The following GAD2 variants were observed in gnomAD, a reference collection of about 807,000 sequenced individuals.
GAD2 encodes the protein 65 kDa glutamic acid decarboxylase.
GAD2 carries 22 observed loss-of-function variants against 80.1 expected under a neutral mutation model. The ratio of observed to expected loss-of-function variants is 0.27; its 90% confidence interval spans 0.20 to 0.39. The LOEUF (loss-of-function observed/expected upper bound fraction) is 0.39. Among genes scored for constraint, GAD2 ranks in the 10% least tolerant of loss-of-function variants. The pLI is 1.00. For missense variants in GAD2, 624 were observed against 738.4 expected, an observed-to-expected ratio of 0.85 and a Z score of 1.80; for synonymous variants, 274 against 256.9, an observed-to-expected ratio of 1.07 and a Z score of -0.64.
rs760213552 is a variant in GAD2 at position 26,217,869 on chromosome 10, C to T, written c.164C>T (p.Pro55Leu). The change falls in exon 3 of 16, where the codon CCG becomes CTG. Residue 55 changes from proline (P) to leucine (L), a missense_variant. Transcript: ENST00000376261. This position sits in a 1 kb window ranked among gnomAD's most constrained non-coding sequence, Gnocchi z 4.9. ...CTGCTCTACGGAGACGCCGAGAAGC[C>T]GGCGGAGAGCGGCGGGAGCCAACCC... is the stretch of plus-strand genomic sequence containing the variant. ...CALLYGDAEK[P>L]AESGGSQPPR... 1 of 1,605,944 alleles carries T rather than the reference C, an allele frequency of 6.2e-7. No individual in the cohort carries two copies. The highest frequency in any genetic ancestry group is 1.7e-5 in the Admixed American group (1 of 59,176).
At chr10:26,238,177 G>A (rs1399431633) in intron 7 of GAD2, among the ~76,000 whole-genome samples, 1 of 152,080 alleles carries the variant, frequency 6.6e-6, no homozygotes, top group East Asian at 1.9e-4. Context: ...TACCCTTTTT[G>A]GGGATAGCCC....
intron 8 of GAD2, among the ~76,000 whole-genome samples, chr10:26,256,866 T>G (rs1237878759): frequency 6.6e-6 from 1 of 152,222 alleles, no homozygotes; most frequent in Non-Finnish European, 1.5e-5. Context: ...AAATACCCCG[T>G]TGCTTCTGAA....
chr10:26,290,137 A>G (rs1834197244), intron 13 of GAD2, among the ~76,000 whole-genome samples: 1 of 152,222 alleles, frequency 6.6e-6, no homozygotes, highest in Non-Finnish European at 1.5e-5. Flanking sequence ...CCTTTGCTGA[A>G]AATGAATGTT....
In GAD2 at chr10:26,219,083, GTTTCTGCAAGATGTTATGAACA is replaced by G; in HGVS notation, c.331_352del (p.Leu111TyrfsTer6). Reference sequence around the variant, plus strand: ...GTGATGGAGAAAGGCCCACTTTGGCGTTTCTGCAAGATGTTATGAACATTTTACTTCAGTATGTGGTGAAAAG... The same window carrying G: ...GTGATGGAGAAAGGCCCACTTTGGCGTTTTACTTCAGTATGTGGTGAAAAG... On this transcript the variant is annotated frameshift_variant, in exon 4 of 16. Coordinates refer to ENST00000376261, the MANE Select transcript of GAD2 (RefSeq NM_001134366.2). LOFTEE classifies it high-confidence loss of function. 6.3e-7 allele frequency: 1 copy of G among 1,599,178 alleles called. No individual in the cohort carries two copies. Among genetic ancestry groups the G allele is most frequent in the Non-Finnish European group, 8.5e-7 (1 of 1,172,582 alleles).
chr10:26,240,203 A>G (rs1399642700), intron 7 of GAD2, among the ~76,000 whole-genome samples: 1 of 152,200 alleles, frequency 6.6e-6, no homozygotes, highest in Non-Finnish European at 1.5e-5. Flanking sequence ...GATTAGATTT[A>G]CTGTCCCCAT....
intron 13 of GAD2, among the ~76,000 whole-genome samples, chr10:26,288,775 G>C (rs1445102576): frequency 6.6e-6 from 1 of 152,052 alleles, no homozygotes; most frequent in African/African-American, 2.4e-5. Flanking sequence ...ATAGGAAAAC[G>C]TTTCTCTCAT....
intron 15 of GAD2, 24 bp from the exon 16 acceptor site, chr10:26,300,764 A>G (rs1284688842): frequency 6.2e-7 from 1 of 1,607,208 alleles, no homozygotes; most frequent in Admixed American, 1.7e-5. Context: ...GAAAGTCACC[A>G]TGCTGATATG....
At chr10:26,300,235 A>C (rs1360801403) in intron 15 of GAD2, among the ~76,000 whole-genome samples, 1 of 152,170 alleles carries the variant, frequency 6.6e-6, no homozygotes, top group Admixed American at 6.6e-5. Flanking sequence ...TTTTTGTCCC[A>C]GCTAATTATC....
At chr10:26,282,251 A>G (rs1293029667) in intron 12 of GAD2, among the ~76,000 whole-genome samples, 1 of 152,132 alleles carries the variant, frequency 6.6e-6, no homozygotes, top group Non-Finnish European at 1.5e-5. Context: ...CCAAATATCT[A>G]TCTTCATTTA....
At chr10:26,271,905 G>A (rs570744067) in intron 10 of GAD2, among the ~76,000 whole-genome samples, 2 of 152,000 alleles carry the variant, frequency 1.3e-5, no homozygotes, top group Non-Finnish European at 2.9e-5. Flanking sequence ...GATTACAGAC[G>A]TGCGCACCCA....
intron 8 of GAD2, among the ~76,000 whole-genome samples, chr10:26,257,586 C>G (rs924608283): frequency 1.3e-5 from 2 of 151,982 alleles, no homozygotes; most frequent in African/African-American, 4.8e-5. Flanking sequence ...TTTCCTAGCT[C>G]CCATGTAACA....
chr10:26,229,824 C>T, intron 7 of GAD2, 47 bp downstream of exon 7: 1 of 1,416,448 alleles, frequency 7.1e-7, no homozygotes, highest in Non-Finnish European at 9.9e-7. Flanking sequence ...TTCCATAAAG[C>T]CCGAGTTTAA....
At position 26,217,514 on chromosome 10, in the gene GAD2, C is replaced by A; in HGVS notation, c.77-96C>A. Reference sequence around the variant, plus strand: ...GGAGGAAGGCGGCCCCTCCTAGGACCCCGGACTGATTGATTTTCACATAGA... The same window carrying A: ...GGAGGAAGGCGGCCCCTCCTAGGACACCGGACTGATTGATTTTCACATAGA... On this transcript the variant is annotated intron_variant, in intron 1 of 15. Transcript: ENST00000376261. This position sits in a 1 kb window ranked among gnomAD's most constrained non-coding sequence, Gnocchi z 4.9. The A allele has an allele frequency of 7.4e-7, 1 of 1,343,838 alleles. No individual in the cohort carries two copies. The highest frequency in any genetic ancestry group is 1.0e-6 in the Non-Finnish European group (1 of 957,976). 83.2% of individuals were successfully genotyped at this position (1,343,838 alleles called of 1,614,324 possible).
At chr10:26,219,636 G>A (rs781530465) in intron 4 of GAD2, among the ~76,000 whole-genome samples, 2 of 152,124 alleles carry the variant, frequency 1.3e-5, no homozygotes, top group Non-Finnish European at 2.9e-5. Context: ...ATAAAAGCTC[G>A]AAAAATGCGT....
intron 10 of GAD2, among the ~76,000 whole-genome samples, chr10:26,272,071 C>T (rs900533571): frequency 6.6e-6 from 1 of 152,164 alleles, no homozygotes; most frequent in Admixed American, 6.5e-5. Flanking sequence ...CATTAATGTT[C>T]TTTTCTTTAG....
intron 11 of GAD2, 104 bp downstream of exon 11, chr10:26,273,804 A>C: frequency 1.1e-6 from 1 of 909,304 alleles, no homozygotes; most frequent in Admixed American, 2.1e-5. Flanking sequence ...GAGTGAACTC[A>C]CTCTATTCAG....
chr10:26,292,648 G>A (rs1448187162), intron 14 of GAD2, 76 bp downstream of exon 14: 3 of 1,142,214 alleles, frequency 2.6e-6, no homozygotes, highest in Admixed American at 1.7e-5. Flanking sequence ...TGTAAATGAT[G>A]TGCTGTCCAG....
chr10:26,283,914 G>T (rs753008557), intron 12 of GAD2, among the ~76,000 whole-genome samples: 1 of 152,288 alleles, frequency 6.6e-6, no homozygotes, highest in East Asian at 1.9e-4. Context: ...AGTAACACCA[G>T]GTGGTAGAGA....
chr10:26,222,400 A>G (rs1041585270), intron 4 of GAD2, among the ~76,000 whole-genome samples: 8 of 151,990 alleles, frequency 5.3e-5, no homozygotes, highest in Non-Finnish European at 1.2e-4. Flanking sequence ...CCTCACTTGA[A>G]AAAAAAAGGG....
Sources: gnomAD v4.1 joint callset for allele counts (sites outside exome capture counted in the v4.1 genomes callset) on GRCh38, gnomAD v4.1.1 for gene constraint, Gnocchi (gnomAD v3.1) non-coding constraint, MANE v1.5 for transcripts, NCBI Gene and HGNC (gene_info 2026-07-23, HGNC 2026-07-21) for gene names.